The following DIAPH3 variants were observed in gnomAD, a reference collection of about 807,000 sequenced individuals.
The protein encoded by DIAPH3 is diaphanous related formin 3.
In DIAPH3, 117 loss-of-function variants were observed where a neutral mutation model predicts 144.3. That is an observed-to-expected ratio of 0.81 (90% CI 0.70 to 0.95). DIAPH3 has a LOEUF of 0.95. Ranked by LOEUF, DIAPH3 falls within the 40% of genes least tolerant of loss-of-function variation. DIAPH3 has a pLI of 0.00. For missense variants in DIAPH3, 1,421 were observed against 1,412.7 expected (o/e 1.01, Z -0.09); for synonymous variants, 519 against 488.9 (o/e 1.06, Z -0.81).
intron 25 of DIAPH3, among the ~76,000 whole-genome samples, chr13:59,799,150 A>C (rs1228912596): frequency 6.6e-6 from 1 of 152,116 alleles, no homozygotes; most frequent in East Asian, 1.9e-4. Flanking sequence ...TACCATTCAA[A>C]GGCAAACCAG....
intron 27 of DIAPH3, among the ~76,000 whole-genome samples, chr13:59,757,793 A>G (rs972409349): frequency 6.6e-6 from 1 of 152,162 alleles, no homozygotes; most frequent in Non-Finnish European, 1.5e-5. Context: ...TCATAACACA[A>G]GTGGCAGTTT....
chr13:59,898,143 AAAAAAAAAAAAAAG>A (rs1414353533), intron 20 of DIAPH3, among the ~76,000 whole-genome samples: 40 of 150,624 alleles, frequency 2.7e-4, no homozygotes, highest in African/African-American at 9.7e-4. Context: ...TCAAAAAAAA[AAAAAAAAAAAAAAG>A]AAAAAGAAAA....
chr13:59,896,886 T>A (rs2046133437), intron 20 of DIAPH3, among the ~76,000 whole-genome samples: 1 of 152,154 alleles, frequency 6.6e-6, no homozygotes, highest in Admixed American at 6.5e-5. Flanking sequence ...CAATATGAGA[T>A]CTGGAAGTCA....
intron 27 of DIAPH3, among the ~76,000 whole-genome samples, chr13:59,763,104 C>T (rs541081855): frequency 2.6e-5 from 4 of 152,154 alleles, no homozygotes; most frequent in South Asian, 2.1e-4. Context: ...TCTCCAAGAA[C>T]CCTCTATCTT....
intron 22 of DIAPH3, among the ~76,000 whole-genome samples, chr13:59,839,672 T>TCA (rs928946183): frequency 6.6e-6 from 1 of 152,130 alleles, no homozygotes; most frequent in African/African-American, 2.4e-5. Context: ...TAAGAAATGC[T>TCA]CACACACACA....
At chr13:59,790,871 C>G (rs1426874930) in intron 25 of DIAPH3, among the ~76,000 whole-genome samples, 1 of 152,134 alleles carries the variant, frequency 6.6e-6, no homozygotes, top group Non-Finnish European at 1.5e-5. Context: ...ACTCCCTCCC[C>G]CCGCTCCACA....
chr13:59,788,888 GA>G (rs2039179923), intron 25 of DIAPH3, among the ~76,000 whole-genome samples: 1 of 152,146 alleles, frequency 6.6e-6, no homozygotes, highest in Admixed American at 6.5e-5. Context: ...CTGAAAAAAG[GA>G]ACTACTTAAT....
At chr13:59,812,506 A>G (rs1299869178) in intron 24 of DIAPH3, among the ~76,000 whole-genome samples, 2 of 152,144 alleles carry the variant, frequency 1.3e-5, no homozygotes, top group Non-Finnish European at 2.9e-5. Flanking sequence ...GGCAGAGATA[A>G]ATAATAAATA....
rs180924290 is a variant in DIAPH3, at chr13:59,925,490, A to C, written c.2075-620T>G. On this transcript the variant is annotated intron_variant, in intron 17 of 27. Transcript: ENST00000400324. ...GTTGAGGATTTCTGCATCTAAATTCATCAGGAATATTGGTCTAAGTTTTCT... is the reference window on the plus strand; with the variant it reads ...GTTGAGGATTTCTGCATCTAAATTCCTCAGGAATATTGGTCTAAGTTTTCT... Among the ~76,000 whole-genome samples, 9 of 152,264 alleles carry C rather than the reference A, an allele frequency of 5.9e-5. No individual in the cohort carries two copies. The East Asian group carries it at 1.7e-3, about 29-fold the overall frequency.
intron 5 of DIAPH3, among the ~76,000 whole-genome samples, chr13:60,027,215 C>T (rs1005922789): frequency 6.6e-6 from 1 of 152,204 alleles, no homozygotes; most frequent in South Asian, 2.1e-4. Flanking sequence ...GCAAGACAAA[C>T]ATACACCTAC....
At chr13:59,836,946 A>G (rs1199713669) in intron 23 of DIAPH3, among the ~76,000 whole-genome samples, 1 of 152,018 alleles carries the variant, frequency 6.6e-6, no homozygotes, top group Non-Finnish European at 1.5e-5. Context: ...CCATTTTAAT[A>G]AGATCTGTAT....
At chr13:59,727,216 T>G (rs564986203) in intron 27 of DIAPH3, among the ~76,000 whole-genome samples, 1 of 152,310 alleles carries the variant, frequency 6.6e-6, no homozygotes, top group Admixed American at 6.5e-5. Context: ...AGGCTACAGT[T>G]CCTTAGTGGT....
rs538959135 is a variant in DIAPH3 at position 60,013,814 on chromosome 13, A to G, written c.771+2099T>C. ...TGATCAAATAAAGATTAAGACAACC[A>G]TTAACCAATCTTGAAGGGAAAAAAA... is the stretch of plus-strand genomic sequence containing the variant. On this transcript the variant is annotated intron_variant, in intron 7 of 27. Coordinates refer to ENST00000400324, the MANE Select transcript of DIAPH3 (RefSeq NM_001042517.2). Among the ~76,000 whole-genome samples, 15 of 152,302 alleles carry G rather than the reference A, an allele frequency of 9.8e-5. No homozygotes were observed. The East Asian group carries it at 2.7e-3, about 27-fold the overall frequency.
chr13:59,746,860 T>C (rs2036731097), intron 27 of DIAPH3, among the ~76,000 whole-genome samples: 1 of 152,206 alleles, frequency 6.6e-6, no homozygotes, highest in South Asian at 2.1e-4. Flanking sequence ...TAGTGATAGT[T>C]TCTGGCTTGA....
chr13:60,087,587 A>G (rs915721608), intron 4 of DIAPH3, among the ~76,000 whole-genome samples: 3 of 152,162 alleles, frequency 2.0e-5, no homozygotes, highest in African/African-American at 7.2e-5. Flanking sequence ...TCACATTTAA[A>G]AAGTCTGAGG....
chr13:59,789,617 TG>T (rs1179627799), intron 25 of DIAPH3, among the ~76,000 whole-genome samples: 10 of 152,076 alleles, frequency 6.6e-5, no homozygotes, highest in Non-Finnish European at 1.3e-4. Context: ...TAAATGGACT[TG>T]AGGCCACGAG....
At chr13:60,093,899 G>A (rs1052634507) in intron 3 of DIAPH3, among the ~76,000 whole-genome samples, 167 bp from the exon 4 acceptor site, 1 of 152,204 alleles carries the variant, frequency 6.6e-6, no homozygotes, top group African/African-American at 2.4e-5. Context: ...AAGAGGTGGA[G>A]AGGGAGAGAA....
intron 18 of DIAPH3, among the ~76,000 whole-genome samples, chr13:59,919,188 T>A (rs1210771732): frequency 6.6e-6 from 1 of 152,104 alleles, no homozygotes; most frequent in Non-Finnish European, 1.5e-5. Flanking sequence ...TTGGACAGCA[T>A]TAAAGAGCAA....
chr13:59,991,798 G>A (rs2051835251), intron 11 of DIAPH3, among the ~76,000 whole-genome samples: 1 of 151,962 alleles, frequency 6.6e-6, no homozygotes, highest in African/African-American at 2.4e-5. Flanking sequence ...AGAAGGAAAA[G>A]TGTCAAATAT....
Sources: gnomAD v4.1 joint callset for allele counts (sites outside exome capture counted in the v4.1 genomes callset) on GRCh38, gnomAD v4.1.1 for gene constraint, MANE v1.5 for transcripts, NCBI Gene and HGNC (gene_info 2026-07-23, HGNC 2026-07-21) for gene names.